Variants in PAK1 observed in about 807,000 individuals in gnomAD.
PAK1 encodes serine/threonine-protein kinase PAK 1.
A neutral mutation model predicts 67.4 loss-of-function variants in PAK1; 29 were observed. That is an observed-to-expected ratio of 0.43 (90% CI 0.32 to 0.59). PAK1 has a LOEUF of 0.59. PAK1 is among the 20% of genes least tolerant of loss of function. The pLI is 0.07. For missense variants in PAK1, 337 were observed against 670.7 expected, an observed-to-expected ratio of 0.50 and a Z score of 5.50; for synonymous variants, 223 against 237.4, an observed-to-expected ratio of 0.94 and a Z score of 0.56.
intron 1 of PAK1, among the ~76,000 whole-genome samples, chr11:77,451,543 A>G (rs981769958): frequency 1.3e-5 from 2 of 151,942 alleles, no homozygotes; most frequent in African/African-American, 4.8e-5. Flanking sequence ...CTCCTATGTC[A>G]TGTAAAACTT....
intron 1 of PAK1, among the ~76,000 whole-genome samples, chr11:77,434,663 G>C (rs1956029599): frequency 6.6e-6 from 1 of 151,842 alleles, no homozygotes; most frequent in Admixed American, 6.6e-5. Context: ...TCTATTACCA[G>C]GCTGGAGTGC....
intron 1 of PAK1, among the ~76,000 whole-genome samples, chr11:77,453,259 CA>C (rs1310661776): frequency 1.3e-5 from 2 of 152,082 alleles, no homozygotes; most frequent in Non-Finnish European, 2.9e-5. Flanking sequence ...GAGGCTGAGG[CA>C]GAAGAATCGC....
intron 2 of PAK1, among the ~76,000 whole-genome samples, chr11:77,380,349 T>A (rs1270997719): frequency 6.6e-6 from 1 of 152,074 alleles, no homozygotes. Context: ...AAAAATTAGC[T>A]AGACATGGTG....
chr11:77,477,943 A>G (rs902777572), upstream of PAK1, among the ~76,000 whole-genome samples: 2 of 152,162 alleles, frequency 1.3e-5, no homozygotes, highest in African/African-American at 4.8e-5. Context: ...AAGTAAGATC[A>G]TTATTTACCC....
chr11:77,489,683 G>A, the PAK1 span, among the ~76,000 whole-genome samples: 2 of 151,574 alleles, frequency 1.3e-5, no homozygotes, highest in Non-Finnish European at 2.9e-5. Context: ...GCTCCTAACC[G>A]CGAGTGATCC....
chr11:77,329,299 C>T (rs371517870), intron 14 of PAK1: 1 of 152,216 alleles, frequency 6.6e-6, no homozygotes, highest in Non-Finnish European at 1.5e-5. Context: ...CCAGCATCAT[C>T]CTGATACCAA....
intron 14 of PAK1, 61 bp from the exon 15 acceptor site, chr11:77,323,421 T>A: frequency 9.0e-7 from 1 of 1,116,004 alleles, no homozygotes; most frequent in Non-Finnish European, 1.4e-6. Context: ...CCAGTAACCA[T>A]TACAAGACAT....
the PAK1 span, among the ~76,000 whole-genome samples, chr11:77,495,688 C>A: frequency 3.3e-5 from 5 of 152,100 alleles, no homozygotes; most frequent in Admixed American, 2.6e-4. Flanking sequence ...TATATACATA[C>A]AATGGAATAT....
intron 1 of PAK1, among the ~76,000 whole-genome samples, chr11:77,469,935 A>G (rs1447886421): frequency 2.6e-5 from 4 of 152,188 alleles, no homozygotes; most frequent in African/African-American, 7.2e-5. Flanking sequence ...CCAAACATTT[A>G]TCATTTCTTT....
At chr11:77,353,139 A>G (rs1275477389) in intron 8 of PAK1, 1 of 165,280 alleles carries the variant, frequency 6.1e-6, no homozygotes, top group Non-Finnish European at 1.3e-5. Flanking sequence ...TCTACCTAGA[A>G]AAACAGGTCC....
rs142145168 is a variant in PAK1 at position 77,392,612 on chromosome 11, T to C, written c.-21-71A>G. The C allele has an allele frequency of 1.2e-3, 1,521 of 1,276,868 alleles. 5 individuals are homozygous for C. The highest frequency in any genetic ancestry group is 2.7e-3 in the South Asian group (170 of 63,788). The allele number at this position is 1,276,868 out of a possible 1,614,324, so 79.1% of individuals were successfully genotyped here. A position where few individuals can be genotyped will look rare whatever the true frequency, so the allele number is the denominator to read the frequency against. ...CCAAAAGGAAATACATGTTAAAAAA[T>C]TGCAAAGAATCAAAATTATACAGCC... On this transcript the variant is annotated intron_variant, in intron 1 of 14. Coordinates refer to ENST00000356341, the MANE Select transcript of PAK1 (RefSeq NM_002576.5).
the PAK1 span, among the ~76,000 whole-genome samples, chr11:77,491,878 A>C: frequency 6.6e-6 from 1 of 152,242 alleles, no homozygotes; most frequent in Non-Finnish European, 1.5e-5. Flanking sequence ...TAAACGCTCC[A>C]GTCAAAGACA....
At chr11:77,326,245 G>A (rs1286728598) in intron 14 of PAK1, among the ~76,000 whole-genome samples, 2 of 152,222 alleles carry the variant, frequency 1.3e-5, no homozygotes, top group Non-Finnish European at 2.9e-5. Context: ...GCAGGCAGGA[G>A]TATAAAAGGC....
chr11:77,385,279 T>C lies in PAK1; in HGVS notation c.191-5285A>G, dbSNP rs985289733. On this transcript the variant is annotated intron_variant, in intron 2 of 14. Transcript: ENST00000356341. Reference sequence around the variant, plus strand: ...AAAGAAAGAAAAAGAACTATTACAATTTACAGATCATGTGCTCATGTACGT... The same window carrying C: ...AAAGAAAGAAAAAGAACTATTACAACTTACAGATCATGTGCTCATGTACGT... Among the ~76,000 whole-genome samples the C allele has an allele frequency of 2.6e-5, 4 of 152,150 alleles. No individual in the cohort carries two copies. In the East Asian group the frequency reaches 7.7e-4, roughly 29 times the overall value.
chr11:77,512,777 T>C, the PAK1 span, among the ~76,000 whole-genome samples: 1 of 152,200 alleles, frequency 6.6e-6, no homozygotes, highest in East Asian at 1.9e-4. Flanking sequence ...TGTATTCACT[T>C]GTATCTGCAT....
chr11:77,452,027 C>T (rs993110092), intron 1 of PAK1, among the ~76,000 whole-genome samples: 1 of 152,166 alleles, frequency 6.6e-6, no homozygotes, highest in Admixed American at 6.5e-5. Flanking sequence ...CTATTATTGT[C>T]TCAATTTTAC....
chr11:77,341,388 T>C (rs948603688), intron 10 of PAK1, among the ~76,000 whole-genome samples: 6 of 152,236 alleles, frequency 3.9e-5, no homozygotes, highest in African/African-American at 7.2e-5. Context: ...GTCATTATGC[T>C]GACAATTGAC....
the PAK1 span, among the ~76,000 whole-genome samples, chr11:77,493,890 A>T: frequency 6.6e-6 from 1 of 152,218 alleles, no homozygotes; most frequent in South Asian, 2.1e-4. Context: ...GATGTTGAGT[A>T]AGCCAGTCCA....
At chr11:77,420,237 T>C (rs575783316) in intron 1 of PAK1, among the ~76,000 whole-genome samples, 196 of 152,290 alleles carry the variant, frequency 1.3e-3, no homozygotes, top group African/African-American at 4.6e-3. Context: ...GAGAAAAAAG[T>C]ATGAACGGTT....
Sources: allele counts gnomAD v4.1 joint callset (sites outside exome capture counted in the v4.1 genomes callset), GRCh38; gene constraint gnomAD v4.1.1; transcripts MANE v1.5; gene names NCBI Gene and HGNC (gene_info 2026-07-23, HGNC 2026-07-21).